WSCD2: variants seen among roughly 807,000 people sequenced by gnomAD.
WSCD2 encodes WSC domain sialate O sulfotransferase 2.
WSCD2 carries 28 observed loss-of-function variants against 55.7 expected under a neutral mutation model. The ratio of observed to expected loss-of-function variants is 0.50; its 90% CI spans 0.37 to 0.69. The LOEUF (loss-of-function observed/expected upper bound fraction) is 0.69, where lower values mean the gene tolerates loss of function less well. Among genes scored for constraint, WSCD2 ranks in the 30% least tolerant of loss-of-function variants. The pLI, the probability that WSCD2 is intolerant of heterozygous loss-of-function variation, is 0.00. For missense variants in WSCD2, 616 were observed against 762.1 expected (o/e 0.81, Z 2.26); for synonymous variants, 301 against 301.9 (o/e 1.00, Z 0.03).
At position 108,160,602 on chromosome 12, in the gene WSCD2, C is replaced by T. The variant is rs1878960303; in HGVS notation, c.-552+30676C>T. Among the ~76,000 whole-genome samples the T allele has an allele frequency of 3.3e-5, 5 of 152,204 alleles. No individual in the cohort carries two copies. The South Asian group carries it at 1.0e-3, about 32-fold the overall frequency. On this transcript the variant is annotated intron_variant, in intron 1 of 8. Coordinates refer to ENST00000547525, the MANE Select transcript of WSCD2 (RefSeq NM_014653.4). Reference sequence around the variant, plus strand: ...CTCACTCACTATCACAAGAACAGCACCAAGAGAGAAATCTGCCCCCATGAT... The same window carrying T: ...CTCACTCACTATCACAAGAACAGCATCAAGAGAGAAATCTGCCCCCATGAT...
chr12:108,148,205 G>A (rs1668681200), intron 1 of WSCD2, among the ~76,000 whole-genome samples: 1 of 152,234 alleles, frequency 6.6e-6, no homozygotes, highest in Admixed American at 6.5e-5. Flanking sequence ...GTAGATGCCA[G>A]TAGCATGATT....
chr12:108,157,483 C>T (rs1878638257), intron 1 of WSCD2, among the ~76,000 whole-genome samples: 1 of 152,192 alleles, frequency 6.6e-6, no homozygotes, highest in East Asian at 1.9e-4. Context: ...ACCTATTTCC[C>T]TCCTACCCCT....
At chr12:108,139,748 C>A (rs1876592073) in intron 1 of WSCD2, among the ~76,000 whole-genome samples, 1 of 152,180 alleles carries the variant, frequency 6.6e-6, no homozygotes, top group Non-Finnish European at 1.5e-5. Context: ...GAACAATATT[C>A]ATCATTATTA....
intron 1 of WSCD2, among the ~76,000 whole-genome samples, chr12:108,159,457 C>A (rs1373832460): frequency 6.6e-6 from 1 of 152,218 alleles, no homozygotes; most frequent in East Asian, 1.9e-4. Context: ...AGCTGGGGCT[C>A]CACAGTACTA....
In WSCD2 at chr12:108,240,428, C is replaced by G. The variant is rs772336574; in HGVS notation, c.1229C>G (p.Ala410Gly). The stretch of plus-strand genomic sequence containing the variant: ...GAAAGCGGCCAGAAAGAGATCGAGG[C>G]CTTCGACGCCGCCATCCTGCTCATC... ...THESGQKEIE[A>G]FDAAILLIRN... Residue 410 changes from alanine (A) to glycine (G), a missense_variant, in exon 8 of 9, where the codon GCC (alanine) becomes GGC (glycine). Physicochemically the swap from Ala to Gly is moderately conservative, Grantham distance 60. Transcript: ENST00000547525. 97 of 1,614,050 alleles carry G rather than the reference C, an allele frequency of 6.0e-5. 1 individual carries two copies. The highest frequency in any genetic ancestry group is 5.9e-5 in the Non-Finnish European group (70 of 1,180,048).
At chr12:108,246,954 T>G (rs1045379387) in intron 8 of WSCD2, among the ~76,000 whole-genome samples, 1 of 152,156 alleles carries the variant, frequency 6.6e-6, no homozygotes, top group Non-Finnish European at 1.5e-5. Flanking sequence ...ATATCAGTAA[T>G]AACGATAGCC....
chr12:108,186,189 C>A (rs1443425625), intron 1 of WSCD2, among the ~76,000 whole-genome samples: 2 of 152,138 alleles, frequency 1.3e-5, no homozygotes, highest in East Asian at 3.8e-4. Context: ...TTATTGTCCC[C>A]CCTTTTTAAA....
chr12:108,140,451 A>T (rs1288005998), intron 1 of WSCD2, among the ~76,000 whole-genome samples: 2 of 152,294 alleles, frequency 1.3e-5, no homozygotes, highest in East Asian at 3.9e-4. Flanking sequence ...TTCTCTGGTC[A>T]TCAGGGCCTC....
intron 1 of WSCD2, among the ~76,000 whole-genome samples, chr12:108,187,070 T>TACA (rs1565945185): frequency 1.3e-5 from 2 of 152,216 alleles, no homozygotes; most frequent in African/African-American, 4.8e-5. Context: ...ATAGTCTAAG[T>TACA]GATCAGCAAA....
chr12:108,132,241 G>A (rs1029638393), intron 1 of WSCD2, among the ~76,000 whole-genome samples: 12 of 152,132 alleles, frequency 7.9e-5, no homozygotes, highest in Non-Finnish European at 1.8e-4. Context: ...GAATTCATGG[G>A]GAACAGGAGC....
chr12:108,240,146 A>G (rs572931582), intron 7 of WSCD2, among the ~76,000 whole-genome samples, 198 bp from the exon 8 acceptor site: 60 of 152,328 alleles, frequency 3.9e-4, no homozygotes, highest in African/African-American at 1.4e-3. Context: ...ATTTTTGAAG[A>G]CCCGTGAATG....
At chr12:108,205,819 T>C (rs912325399) in intron 2 of WSCD2, among the ~76,000 whole-genome samples, 36 of 152,312 alleles carry the variant, frequency 2.4e-4, no homozygotes, top group African/African-American at 8.4e-4. Context: ...TCTAGGCCCA[T>C]GCTAGGAGGT....
chr12:108,173,990 G>A (rs963685270), intron 1 of WSCD2, among the ~76,000 whole-genome samples: 1 of 152,048 alleles, frequency 6.6e-6, no homozygotes, highest in African/African-American at 2.4e-5. Context: ...CCTTGAATGT[G>A]GGGTGTTTGC....
At chr12:108,187,188 G>A (rs146138394) in intron 1 of WSCD2, among the ~76,000 whole-genome samples, 14 of 152,304 alleles carry the variant, frequency 9.2e-5, no homozygotes, top group African/African-American at 2.4e-4. Context: ...AGTGGGAAGG[G>A]TAATATGCTG....
chr12:108,183,420 G>A (rs2137007943), intron 1 of WSCD2, among the ~76,000 whole-genome samples: 1 of 152,280 alleles, frequency 6.6e-6, no homozygotes, highest in Non-Finnish European at 1.5e-5. Context: ...TGACAGCCAT[G>A]GGGCTGTGCA....
intron 2 of WSCD2, among the ~76,000 whole-genome samples, chr12:108,197,597 G>A (rs780412185): frequency 9.2e-5 from 14 of 152,120 alleles, no homozygotes; most frequent in Non-Finnish European, 1.6e-4. Context: ...TGAAGGCCTA[G>A]CACTGAGTAG....
chr12:108,181,140 C>T (rs1209507402), intron 1 of WSCD2, among the ~76,000 whole-genome samples: 1 of 152,220 alleles, frequency 6.6e-6, no homozygotes, highest in Non-Finnish European at 1.5e-5. Context: ...ATGAAAGGAG[C>T]TTATCCATCC....
At chr12:108,151,447 C>A (rs1194744575) in intron 1 of WSCD2, among the ~76,000 whole-genome samples, 1 of 152,164 alleles carries the variant, frequency 6.6e-6, no homozygotes, top group Non-Finnish European at 1.5e-5. Flanking sequence ...TGGCAAATGA[C>A]CTCCTCCCCA....
At chr12:108,227,641 A>C (rs1426365) in intron 6 of WSCD2, among the ~76,000 whole-genome samples, 105,101 of 151,938 alleles carry the variant, frequency 0.69, 36,730 homozygotes, top group East Asian at 0.87. Context: ...TTCCACTTCT[A>C]GTCTTCTTCC....
Sources: gnomAD v4.1 joint callset for allele counts (sites outside exome capture counted in the v4.1 genomes callset) on GRCh38, gnomAD v4.1.1 for gene constraint, MANE v1.5 for transcripts, NCBI Gene and HGNC (gene_info 2026-07-23, HGNC 2026-07-21) for gene names.